Variants in SREK1 observed in about 807,000 individuals in gnomAD.
The protein encoded by SREK1 is splicing regulatory glutamine/lysine-rich protein 1.
Under a neutral mutation model 66.5 loss-of-function variants are expected in SREK1, and 13 were observed. The observed-to-expected ratio is 0.20, with a 90% confidence interval of 0.13 to 0.31. The LOEUF is 0.31. SREK1 is among the 10% of genes least tolerant of loss of function. The probability of loss-of-function intolerance (pLI) is 1.00; values close to 1 mark genes in which losing one functional copy is unlikely to be tolerated. For synonymous variants in SREK1, 265 were observed against 263.5 expected, an observed-to-expected ratio of 1.01 and a Z score of -0.05; for missense variants, 607 against 769.6, an observed-to-expected ratio of 0.79 and a Z score of 2.50.
rs1006577558 is a variant in SREK1, at chr5:66,179,732, C to G, written c.*864C>G. The G allele has an allele frequency of 1.4e-4, 21 of 152,480 alleles. No individual in the cohort carries two copies. The highest frequency in any genetic ancestry group is 1.1e-3 in the Admixed American group (17 of 15,256). 9.4% of individuals were successfully genotyped at this position (152,480 alleles called of 1,614,324 possible). A position where few individuals can be genotyped will look rare whatever the true frequency, so the allele number is the denominator to read the frequency against. On this transcript the variant is annotated 3_prime_UTR_variant, in exon 12 of 12. Transcript: ENST00000334121. ...AAGGAAACTGGCTTTTCAAAATGGG[C>G]TATGGGAGCACAAGCTGAAGCTTTA... is the stretch of plus-strand genomic sequence containing the variant.
chr5:66,174,248 GTTT>G (rs1745879104), intron 9 of SREK1, among the ~76,000 whole-genome samples: 1 of 151,972 alleles, frequency 6.6e-6, no homozygotes, highest in Non-Finnish European at 1.5e-5. Flanking sequence ...AAGCAAAATG[GTTT>G]TTAATAATAA....
At chr5:66,168,875 G>A (rs1240940305) in intron 7 of SREK1, 1 of 152,106 alleles carries the variant, frequency 6.6e-6, no homozygotes, top group Non-Finnish European at 1.5e-5. Flanking sequence ...CATTTATTTT[G>A]TGCTAGAGAA....
chr5:66,177,756 C>T, intron 11 of SREK1, 98 bp downstream of exon 11: 1 of 950,004 alleles, frequency 1.1e-6, no homozygotes, highest in Middle Eastern at 2.3e-4. Flanking sequence ...GTGTCTTGTA[C>T]ATTGTTGGCA....
intron 1 of SREK1, among the ~76,000 whole-genome samples, chr5:66,147,216 T>A (rs116040601): frequency 6.6e-6 from 1 of 152,248 alleles, no homozygotes; most frequent in Non-Finnish European, 1.5e-5. Context: ...CTGTAAGCAT[T>A]AAGAATTCTT....
At chr5:66,156,985 C>T (rs1744340432) in intron 2 of SREK1, 2 of 984,990 alleles carry the variant, frequency 2.0e-6, no homozygotes, top group Non-Finnish European at 2.4e-6. Context: ...TTGTTTTATA[C>T]TTTTATAAGC....
intron 7 of SREK1, 23 bp from the exon 8 acceptor site, chr5:66,170,028 T>G (rs761543463): frequency 1.0e-5 from 15 of 1,491,726 alleles, no homozygotes; most frequent in African/African-American, 5.7e-5. Flanking sequence ...AGTTTTGATA[T>G]TCTAACAATT....
rs1745566608 is a variant in SREK1, at chr5:66,170,715, G to A, written c.1252G>A (p.Asp418Asn). 6.2e-7 allele frequency: 1 copy of A among 1,603,868 alleles called. No homozygotes were observed. Among genetic ancestry groups the A allele is most frequent in the African/African-American group, 1.3e-5 (1 of 74,584 alleles). Reference sequence around the variant, plus strand: ...GGAACGGGGTAAAAACAAAGACCGGGACAAGGAACGGGAAAAGGACCGGGA... The same window carrying A: ...GGAACGGGGTAAAAACAAAGACCGGAACAAGGAACGGGAAAAGGACCGGGA... ...EKERGKNKDR[D>N]KEREKDREKD... The change falls in exon 9 of 12, where the codon GAC becomes AAC. Residue 418 changes from aspartate to asparagine, a missense_variant. Coordinates refer to ENST00000334121, the MANE Select transcript of SREK1 (RefSeq NM_001077199.3).
At chr5:66,173,045 C>G (rs1225676224) in intron 9 of SREK1, among the ~76,000 whole-genome samples, 2 of 151,408 alleles carry the variant, frequency 1.3e-5, no homozygotes, top group African/African-American at 4.9e-5. Context: ...GTTGGCCAGG[C>G]TGGTCTCAAA....
At chr5:66,159,188 T>G in intron 2 of SREK1, 31 bp from the exon 3 acceptor site, 1 of 1,587,148 alleles carries the variant, frequency 6.3e-7, no homozygotes, top group African/African-American at 1.4e-5. Flanking sequence ...GTGTTTCTGC[T>G]TTTTGTAATG....
At chr5:66,177,749 T>TACAAGACACTGTTCC in intron 11 of SREK1, 91 bp downstream of exon 11, 4 of 1,056,772 alleles carry the variant, frequency 3.8e-6, no homozygotes, top group South Asian at 2.8e-5. Context: ...GGGAACAGTG[T>TACAAGACACTGTTCC]CTTGTACATT....
At position 66,170,645 on chromosome 5, in the gene SREK1, CAG is replaced by C. The variant is rs1456938713; in HGVS notation, c.1183_1184del (p.Arg395GlyfsTer11). The C allele has an allele frequency of 6.2e-7, 1 of 1,609,506 alleles. No homozygotes were observed. The highest frequency in any genetic ancestry group is 2.2e-5 in the East Asian group (1 of 44,734). On this transcript the variant is annotated frameshift_variant, in exon 9 of 12. Transcript: ENST00000334121. LOFTEE classifies it high-confidence loss of function. ...AAAAGGAAAGAGTGAAAGAGAAAGA[CAG>C]GGAAAAGGAGAGAGAGAGGGAAAAG... ...KEKERVKEKD[R>X]EKEREREKER...
chr5:66,145,229 G>T, intron 1 of SREK1: 1 of 943,602 alleles, frequency 1.1e-6, no homozygotes, highest in Non-Finnish European at 1.3e-6. Context: ...TTAAAGTCCA[G>T]ATCTTGGCTG....
At chr5:66,177,760 G>T in intron 11 of SREK1, 102 bp downstream of exon 11, 1 of 949,124 alleles carries the variant, frequency 1.1e-6, no homozygotes, top group South Asian at 3.6e-5. Context: ...CTTGTACATT[G>T]TTGGCATTTT....
intron 2 of SREK1, chr5:66,153,855 C>A: frequency 2.6e-6 from 1 of 388,936 alleles, no homozygotes; most frequent in Non-Finnish European, 4.5e-6. Flanking sequence ...TTGCAGATTG[C>A]AAAGAAAGCT....
intron 7 of SREK1, chr5:66,166,167 CTG>C (rs1297482670): frequency 1.3e-5 from 2 of 152,312 alleles, no homozygotes; most frequent in East Asian, 1.9e-4. Flanking sequence ...TGATACTAGA[CTG>C]TGGATATTTC....
intron 1 of SREK1, among the ~76,000 whole-genome samples, chr5:66,146,743 ATAG>A (rs1182959054): frequency 1.3e-5 from 2 of 152,222 alleles, no homozygotes. Context: ...ACAAAATGCA[ATAG>A]TAGTAGTTGT....
rs1467937552 is a variant in SREK1 at position 66,153,480 on chromosome 5, T to A, written c.179T>A (p.Phe60Tyr). The A allele has an allele frequency of 8.1e-6, 13 of 1,612,748 alleles. No individual in the cohort carries two copies. Among genetic ancestry groups the A allele is most frequent in the Non-Finnish European group, 1.1e-5 (13 of 1,179,558 alleles). ...LYPPDNAPLA[F>Y]SSKVCYVKFR... Reference sequence around the variant, plus strand: ...TCTTGCAGCAACGCACCTCTTGCTTTTTCCTCCAAAGTATGTTATGTTAAG... The same window carrying A: ...TCTTGCAGCAACGCACCTCTTGCTTATTCCTCCAAAGTATGTTATGTTAAG... The change falls in exon 2 of 12, where the codon TTT (phenylalanine) becomes TAT (tyrosine). Residue 60 changes from phenylalanine (F) to tyrosine (Y), a missense_variant. Phe to Tyr is a conservative substitution (Grantham distance 22, BLOSUM62 3). This residue lies in a region of SREK1 where 99 missense variants were observed against 186.6 expected (regional missense o/e 0.53). Coordinates refer to ENST00000334121, the MANE Select transcript of SREK1 (RefSeq NM_001077199.3).
At position 66,178,911 on chromosome 5, in the gene SREK1, C is replaced by T. The variant is rs775340017; in HGVS notation, c.*43C>T. The stretch of plus-strand genomic sequence containing the variant: ...CTGCACTCAATGCTGGAATCAAATC[C>T]AAAGCTTTTAATTCTCTCAACAAGA... On this transcript the variant is annotated 3_prime_UTR_variant, in exon 12 of 12. Coordinates refer to ENST00000334121, the MANE Select transcript of SREK1 (RefSeq NM_001077199.3). The T allele has an allele frequency of 5.3e-6, 8 of 1,512,354 alleles. No homozygotes were observed. In the African/African-American group the frequency reaches 8.3e-5, roughly 16 times the overall value. 93.7% of individuals were successfully genotyped at this position (1,512,354 alleles called of 1,614,324 possible).
intron 8 of SREK1, 82 bp downstream of exon 8, chr5:66,170,252 A>T: frequency 2.7e-6 from 4 of 1,464,494 alleles, no homozygotes; most frequent in Non-Finnish European, 3.7e-6. Flanking sequence ...AATTGGCTTC[A>T]TTTGTTAAAA....
Sources: gnomAD v4.1 joint callset for allele counts (sites outside exome capture counted in the v4.1 genomes callset) on GRCh38, gnomAD v4.1.1 for gene constraint, gnomAD v4.1.1 regional missense constraint, MANE v1.5 for transcripts, NCBI Gene and HGNC (gene_info 2026-07-23, HGNC 2026-07-21) for gene names.